NDST4: variants seen among roughly 807,000 people sequenced by gnomAD.
NDST4 encodes the protein N-heparan sulfate sulfotransferase 4.
In NDST4, 63 loss-of-function variants were observed where a neutral mutation model predicts 100.8. The observed-to-expected ratio is 0.62, with a 90% CI of 0.51 to 0.77. NDST4 has a LOEUF of 0.77. Among genes scored for constraint, NDST4 ranks in the 30% least tolerant of loss-of-function variants. The pLI, the probability that NDST4 is intolerant of heterozygous loss-of-function variation, is 0.00. For synonymous variants in NDST4, 377 were observed against 361.8 expected, an observed-to-expected ratio of 1.04 and a Z score of -0.48; for missense variants, 943 against 1,018.4, an observed-to-expected ratio of 0.93 and a Z score of 1.01.
intron 6 of NDST4, among the ~76,000 whole-genome samples, chr4:114,894,973 G>C (rs967110818): frequency 3.3e-5 from 5 of 151,998 alleles, no homozygotes; most frequent in African/African-American, 1.2e-4. Flanking sequence ...TTTATCAAAG[G>C]CATTTTCTGC....
chr4:114,951,840 T>A (rs950651691), intron 4 of NDST4, among the ~76,000 whole-genome samples: 2 of 152,142 alleles, frequency 1.3e-5, no homozygotes, highest in Admixed American at 1.3e-4. Context: ...CCTTTATGTA[T>A]AAAAGTAGCT....
Position 114,943,638 on chromosome 4 carries a change from A to G in NDST4, c.1222-6135T>C, listed in dbSNP as rs146608891. ...TATTTCCGTTTTCACATAATTATAT[A>G]TAATATTTTAAGTACATAATAAAAA... is the stretch of plus-strand genomic sequence containing the variant. On this transcript the variant is annotated intron_variant, in intron 4 of 13. Transcript: ENST00000264363. Among the ~76,000 whole-genome samples the G allele has an allele frequency of 1.5e-3, 223 of 152,284 alleles. 4 individuals carry two copies. Among genetic ancestry groups the G allele is most frequent in the East Asian group, 0.014 (73 of 5,184 alleles).
At chr4:114,977,330 A>T (rs1373894020) in intron 2 of NDST4, 56 bp from the exon 3 acceptor site, 2 of 1,261,376 alleles carry the variant, frequency 1.6e-6, no homozygotes, top group African/African-American at 1.5e-5. Flanking sequence ...AAGTTTTGGG[A>T]TGCCTCTTTT....
intron 1 of NDST4, among the ~76,000 whole-genome samples, chr4:115,080,219 C>T (rs1729272687): frequency 6.6e-6 from 1 of 152,194 alleles, no homozygotes; most frequent in South Asian, 2.1e-4. Flanking sequence ...TCACTGCAGC[C>T]TCCACCTCCC....
intron 4 of NDST4, among the ~76,000 whole-genome samples, chr4:114,966,863 G>T (rs769134203): frequency 6.6e-6 from 1 of 152,056 alleles, no homozygotes. Flanking sequence ...TGGCAAATGA[G>T]TTGATGTAAA....
At chr4:115,065,012 T>A (rs1309143035) in intron 2 of NDST4, among the ~76,000 whole-genome samples, 2 of 152,168 alleles carry the variant, frequency 1.3e-5, no homozygotes, top group Non-Finnish European at 2.9e-5. Flanking sequence ...TCTTTACCTC[T>A]GTCTGATTCT....
At chr4:115,083,978 A>T (rs932599878) in intron 1 of NDST4, among the ~76,000 whole-genome samples, 3 of 152,178 alleles carry the variant, frequency 2.0e-5, no homozygotes, top group Admixed American at 2.0e-4. Context: ...AAATACCCTG[A>T]AAATGTTGAA....
intron 6 of NDST4, among the ~76,000 whole-genome samples, chr4:114,891,161 C>T (rs999741310): frequency 6.6e-6 from 1 of 152,078 alleles, no homozygotes; most frequent in Admixed American, 6.6e-5. Flanking sequence ...TGATAATAAA[C>T]TCTCAGTTCA....
chr4:115,038,436 T>C (rs553200424), intron 2 of NDST4, among the ~76,000 whole-genome samples: 1 of 152,228 alleles, frequency 6.6e-6, no homozygotes, highest in South Asian at 2.1e-4. Context: ...TAAATCCCTC[T>C]GGTTTTCTGC....
In NDST4 at chr4:114,886,493, A is replaced by G. The variant is rs145548681; in HGVS notation, c.1537-15543T>C. 1.1e-3 allele frequency among the ~76,000 whole-genome samples: 165 copies of G among 152,270 alleles called. 1 individual carries two copies. The highest frequency in any genetic ancestry group is 3.9e-3 in the African/African-American group (161 of 41,584). On this transcript the variant is annotated intron_variant, in intron 6 of 13. Coordinates refer to ENST00000264363, the MANE Select transcript of NDST4 (RefSeq NM_022569.3). The stretch of plus-strand genomic sequence containing the variant: ...TCATTATTTTGTGTGGAAATATCAA[A>G]TTGCCAATTAATGATGATGAGAAAT...
At chr4:114,949,095 A>G (rs1725932834) in intron 4 of NDST4, among the ~76,000 whole-genome samples, 1 of 152,038 alleles carries the variant, frequency 6.6e-6, no homozygotes, top group Non-Finnish European at 1.5e-5. Context: ...AAGGGTGATC[A>G]CTGAAACAGT....
chr4:115,048,815 T>A (rs367986114), intron 2 of NDST4, among the ~76,000 whole-genome samples: 1 of 152,110 alleles, frequency 6.6e-6, no homozygotes, highest in African/African-American at 2.4e-5. Context: ...TTTTTTGTAT[T>A]TTTAGTAGAG....
chr4:114,998,577 A>G (rs535627514), intron 2 of NDST4, among the ~76,000 whole-genome samples: 2 of 152,216 alleles, frequency 1.3e-5, no homozygotes, highest in East Asian at 1.9e-4. Flanking sequence ...GTCTCATACC[A>G]TAAGTGCTAG....
At chr4:114,906,976 A>C (rs777317486) in intron 6 of NDST4, among the ~76,000 whole-genome samples, 1 of 152,072 alleles carries the variant, frequency 6.6e-6, no homozygotes, top group Non-Finnish European at 1.5e-5. Flanking sequence ...TTTCTTCAAA[A>C]CTGTATCTTA....
intron 2 of NDST4, among the ~76,000 whole-genome samples, chr4:115,052,091 A>C (rs998202669): frequency 6.6e-6 from 1 of 152,156 alleles, no homozygotes; most frequent in Non-Finnish European, 1.5e-5. Flanking sequence ...TTTAAGAAAC[A>C]TCTGTTCAGA....
chr4:114,855,702 A>AATGTG (rs1242523847), intron 7 of NDST4, among the ~76,000 whole-genome samples: 1 of 152,158 alleles, frequency 6.6e-6, no homozygotes, highest in African/African-American at 2.4e-5. Context: ...GAAGTCAAGT[A>AATGTG]ATGTGATTCT....
chr4:115,025,646 A>C (rs1727967442), intron 2 of NDST4, among the ~76,000 whole-genome samples: 1 of 152,112 alleles, frequency 6.6e-6, no homozygotes, highest in East Asian at 1.9e-4. Context: ...CAATGTGAGG[A>C]GCATATCTTA....
At chr4:114,900,002 T>C (rs1724800671) in intron 6 of NDST4, among the ~76,000 whole-genome samples, 1 of 152,168 alleles carries the variant, frequency 6.6e-6, no homozygotes, top group African/African-American at 2.4e-5. Flanking sequence ...ATTGACTGAA[T>C]TTCTTTAATA....
intron 6 of NDST4, among the ~76,000 whole-genome samples, chr4:114,905,055 G>C (rs915109265): frequency 6.6e-6 from 1 of 151,260 alleles, no homozygotes; most frequent in Non-Finnish European, 1.5e-5. Flanking sequence ...ACAAACAAAA[G>C]ACAGCCTGTA....
Sources: allele counts gnomAD v4.1 joint callset (sites outside exome capture counted in the v4.1 genomes callset), GRCh38; gene constraint gnomAD v4.1.1; transcripts MANE v1.5; gene names NCBI Gene and HGNC (gene_info 2026-07-23, HGNC 2026-07-21).